Variants in COL4A5 observed in about 807,000 individuals in gnomAD.
COL4A5 encodes collagen alpha-5(IV) chain.
A neutral mutation model predicts 130.2 loss-of-function variants in COL4A5; 26 were observed. That is an observed-to-expected ratio of 0.20 (90% confidence interval 0.15 to 0.28). COL4A5 has a LOEUF of 0.28. Among genes scored for constraint, COL4A5 ranks in the 10% least tolerant of loss-of-function variants. The pLI is 1.00. For missense variants in COL4A5, 1,131 were observed against 1,344.3 expected (o/e 0.84, Z 2.48); for synonymous variants, 496 against 439.6 (o/e 1.13, Z -1.60).
intron 46 of COL4A5, among the ~76,000 whole-genome samples, chrX:108,681,537 G>T (rs922091218): frequency 1.8e-5 from 2 of 111,639 alleles, no homozygotes; most frequent in African/African-American, 6.5e-5. Flanking sequence ...TTTGAAAATA[G>T]AGATGATATG....
chrX:108,512,644 C>G (rs1034544216), intron 1 of COL4A5, among the ~76,000 whole-genome samples: 5 of 108,500 alleles, frequency 4.6e-5, no homozygotes, highest in African/African-American at 1.7e-4. Flanking sequence ...TTATTAGGGA[C>G]TTTCAAAAGG....
At chrX:108,650,218 A>G (rs945983459) in intron 36 of COL4A5, among the ~76,000 whole-genome samples, 5 of 111,305 alleles carry the variant, frequency 4.5e-5, no homozygotes, top group Non-Finnish European at 9.4e-5. Flanking sequence ...CAAAACCGCA[A>G]TGCAATACCA....
chrX:108,537,236 G>A (rs1258305216), intron 1 of COL4A5, among the ~76,000 whole-genome samples: 1 of 111,063 alleles, frequency 9.0e-6, no homozygotes, highest in Non-Finnish European at 1.9e-5. Context: ...TGGTTGGTGT[G>A]CGTATTACAA....
intron 1 of COL4A5, among the ~76,000 whole-genome samples, chrX:108,480,152 G>A (rs966095890): frequency 8.9e-6 from 1 of 111,799 alleles, no homozygotes; most frequent in African/African-American, 3.3e-5. Context: ...CGATAAATGG[G>A]CCTGAGTAAC....
chrX:108,456,623 T>C lies in COL4A5; in HGVS notation c.81+16417T>C, dbSNP rs376467392. ...TAATGGAAGTAGTAAAGAATGACTT[T>C]TTTTTTGCTGTCTTTTAAGGAAGAT... On this transcript the variant is annotated intron_variant, in intron 1 of 52. Coordinates refer to ENST00000328300, the MANE Select transcript of COL4A5 (RefSeq NM_033380.3). 3.6e-3 allele frequency among the ~76,000 whole-genome samples: 405 copies of C among 111,997 alleles called. 2 individuals carry two copies. The highest frequency in any genetic ancestry group is 0.013 in the African/African-American group (392 of 30,867).
intron 35 of COL4A5, 118 bp from the exon 36 acceptor site, chrX:108,626,092 A>T: frequency 1.5e-6 from 1 of 679,484 alleles, no homozygotes; most frequent in Non-Finnish European, 2.2e-6. Flanking sequence ...GCTCATTATT[A>T]TCTAACTCAG....
chrX:108,560,371 G>A (rs1056100298), intron 3 of COL4A5, among the ~76,000 whole-genome samples: 2 of 112,622 alleles, frequency 1.8e-5, no homozygotes, highest in African/African-American at 3.2e-5. Context: ...TTGGCCAGCA[G>A]GCAGCTAAGG....
In COL4A5 at chrX:108,655,391, C is replaced by T. The variant is rs777117561; in HGVS notation, c.3307C>T (p.Pro1103Ser). The part of the protein sequence containing the change: ...NPGIKGSVGD[P>S]GLPGLPGTPG... ...TGGTATCAAAGGTTCTGTGGGAGAT[C>T]CTGGTTTGCCCGGATTACCAGGAAC... The change falls in exon 37 of 53, where the codon CCT becomes TCT. Residue 1103 changes from proline (P) to serine (S), a missense_variant. Transcript: ENST00000328300. The T allele has an allele frequency of 8.3e-7, 1 of 1,210,626 alleles. No individual in the cohort carries two copies.
At chrX:108,453,452 A>G (rs1285999735) in intron 1 of COL4A5, among the ~76,000 whole-genome samples, 1 of 111,753 alleles carries the variant, frequency 8.9e-6, no homozygotes, top group Non-Finnish European at 1.9e-5. Context: ...TTTGTTTTGG[A>G]AAATATAAGT....
At chrX:108,620,448 C>T in intron 31 of COL4A5, 22 bp downstream of exon 31, 4 of 1,172,639 alleles carry the variant, frequency 3.4e-6, no homozygotes, top group Non-Finnish European at 4.6e-6. Flanking sequence ...AAAGTTTTCT[C>T]TGATTTGGAT....
Position 108,668,497 on chromosome X carries a change from G to C in COL4A5, c.3783G>C (p.Gly1261=). 1 of 1,181,493 alleles carries C rather than the reference G, an allele frequency of 8.5e-7. No homozygotes were observed. Among genetic ancestry groups the C allele is most frequent in the Non-Finnish European group, 1.1e-6 (1 of 881,050 alleles). ...KGNPGPQGPP[G]RPGPTGFQGL... is the part of the protein sequence containing the mutation. ...ACCCTGGGCCCCAAGGTCCTCCTGG[G>C]AGACCAGGTATGTCCGTGAGTGGTA... The change falls in exon 41 of 53, where the codon GGG becomes GGC. Residue 1261 remains glycine (G), a synonymous_variant. Coordinates refer to ENST00000328300, the MANE Select transcript of COL4A5 (RefSeq NM_033380.3).
intron 28 of COL4A5, among the ~76,000 whole-genome samples, chrX:108,603,887 C>T (rs1199046083): frequency 8.9e-6 from 1 of 112,228 alleles, no homozygotes; most frequent in Non-Finnish European, 1.9e-5. Flanking sequence ...CCAGCATCTT[C>T]ACCAGGGTAG....
intron 2 of COL4A5, among the ~76,000 whole-genome samples, chrX:108,550,257 G>A (rs1385432824): frequency 1.9e-4 from 21 of 111,732 alleles, no homozygotes; most frequent in Non-Finnish European, 3.6e-4. Flanking sequence ...TATCCCTCAT[G>A]AGCATAGATA....
chrX:108,516,317 A>T (rs1363080488), intron 1 of COL4A5, among the ~76,000 whole-genome samples: 1 of 112,093 alleles, frequency 8.9e-6, no homozygotes, highest in Non-Finnish European at 1.9e-5. Flanking sequence ...GACATTCCAG[A>T]CATATTTATG....
intron 43 of COL4A5, 24 bp downstream of exon 43, chrX:108,674,777 C>CTTTT: frequency 3.7e-5 from 36 of 981,484 alleles, no homozygotes; most frequent in South Asian, 1.2e-4. Context: ...CTGGTCAATT[C>CTTTT]TTTTTTTTTT....
At chrX:108,491,672 C>T (rs929564423) in intron 1 of COL4A5, among the ~76,000 whole-genome samples, 1 of 111,400 alleles carries the variant, frequency 9.0e-6, no homozygotes, top group African/African-American at 3.3e-5. Context: ...TGCTCTCTAG[C>T]TTGGCAGTGG....
At chrX:108,546,538 A>T (rs888574027) in intron 2 of COL4A5, among the ~76,000 whole-genome samples, 2 of 111,376 alleles carry the variant, frequency 1.8e-5, no homozygotes, top group African/African-American at 6.5e-5. Context: ...GGCTGCCCTT[A>T]GCTTTTTTTC....
In COL4A5 at chrX:108,598,722, T is replaced by C; in HGVS notation, c.1800T>C (p.Gly600=). The C allele has an allele frequency of 8.3e-7, 1 of 1,210,158 alleles. No individual in the cohort carries two copies. Among genetic ancestry groups the C allele is most frequent in the Admixed American group, 2.2e-5 (1 of 46,017 alleles). Reference sequence around the variant, plus strand: ...TTTAGGGTGGAATTACTTTTAAGGGTGAAAGAGGTCCCCCTGGGAACCCAG... The same window carrying C: ...TTTAGGGTGGAATTACTTTTAAGGGCGAAAGAGGTCCCCCTGGGAACCCAG... ...KGEPGGITFK[G]ERGPPGNPGL... Residue 600 remains glycine (G), a synonymous_variant, in exon 25 of 53, where the codon GGT becomes GGC. Coordinates refer to ENST00000328300, the MANE Select transcript of COL4A5 (RefSeq NM_033380.3).
At chrX:108,619,106 C>G (rs978835969) in intron 30 of COL4A5, among the ~76,000 whole-genome samples, 1 of 111,429 alleles carries the variant, frequency 9.0e-6, no homozygotes, top group Non-Finnish European at 1.9e-5. Flanking sequence ...ATCTCTCTCT[C>G]CTTTTTATAG....
Sources: gnomAD v4.1 joint callset for allele counts (sites outside exome capture counted in the v4.1 genomes callset) on GRCh38, gnomAD v4.1.1 for gene constraint, MANE v1.5 for transcripts, NCBI Gene and HGNC (gene_info 2026-07-23, HGNC 2026-07-21) for gene names.